The following FANCI variants were observed in gnomAD, a reference collection of about 807,000 sequenced individuals.
The protein encoded by FANCI is Fanconi anemia group I protein.
FANCI carries 156 observed loss-of-function variants against 176.1 expected under a neutral mutation model. The observed-to-expected ratio is 0.89, with a 90% CI of 0.78 to 1.01. The LOEUF (loss-of-function observed/expected upper bound fraction) is 1.01, where lower values mean the gene tolerates loss of function less well. Ranked by LOEUF, FANCI falls within the 50% of genes least tolerant of loss-of-function variation. The pLI is 0.00. For synonymous variants in FANCI, 613 were observed against 541.7 expected (o/e 1.13, Z -1.83); for missense variants, 1,678 against 1,534.1 (o/e 1.09, Z -1.57).
At chr15:89,263,646 T>C (rs929586014) in intron 7 of FANCI, among the ~76,000 whole-genome samples, 186 bp downstream of exon 7, 1 of 152,220 alleles carries the variant, frequency 6.6e-6, no homozygotes, top group Non-Finnish European at 1.5e-5. Context: ...TACTTACTTA[T>C]TTAAAACATA....
At chr15:89,304,977 T>C (rs1446211669) in intron 28 of FANCI, 138 bp from the exon 29 acceptor site, 4 of 892,484 alleles carry the variant, frequency 4.5e-6, no homozygotes, top group South Asian at 3.9e-5. Context: ...GGTTTCTCCA[T>C]GTTGGTGAGG....
intron 11 of FANCI, 99 bp from the exon 12 acceptor site, chr15:89,274,069 A>G (rs964829893): frequency 1.7e-5 from 15 of 897,390 alleles, no homozygotes; most frequent in African/African-American, 1.0e-4. Context: ...AGCATGAGCT[A>G]TATAATATTT....
At chr15:89,304,014 C>G in intron 28 of FANCI, 99 bp downstream of exon 28, 1 of 1,176,524 alleles carries the variant, frequency 8.5e-7, no homozygotes, top group South Asian at 1.2e-5. Context: ...ATTACACATT[C>G]ACCAGAGTGG....
rs756691827 is a variant in FANCI at position 89,307,643 on chromosome 15, C to CT, written c.3623dup (p.Cys1209ValfsTer11). 18 of 1,613,980 alleles carry CT rather than the reference C, an allele frequency of 1.1e-5. No homozygotes were observed. The highest frequency in any genetic ancestry group is 1.4e-5 in the Non-Finnish European group (17 of 1,179,996). Reference sequence around the variant, plus strand: ...GCTGTCTGGTTCTCATCTGACCCCCCTGTGTTATTCTTTCATTTCTTACGT... The same window carrying CT: ...GCTGTCTGGTTCTCATCTGACCCCCCTTGTGTTATTCTTTCATTTCTTACGT... On this transcript the variant is annotated frameshift_variant, in exon 34 of 38. Coordinates refer to ENST00000310775, the MANE Select transcript of FANCI (RefSeq NM_001113378.2). LOFTEE classifies it high-confidence loss of function.
intron 10 of FANCI, among the ~76,000 whole-genome samples, chr15:89,271,228 A>G (rs2053188546): frequency 6.6e-6 from 1 of 152,070 alleles, no homozygotes; most frequent in Non-Finnish European, 1.5e-5. Context: ...TCATAAATTT[A>G]CCTAGTTTTG....
chr15:89,253,792 G>A (rs12912866), intron 2 of FANCI, among the ~76,000 whole-genome samples: 4,228 of 138,020 alleles, frequency 0.031, 256 homozygotes, highest in African/African-American at 0.098. Context: ...CTTGTGGGGG[G>A]GGGGGGGAAG....
chr15:89,307,724 C>G (rs1318536714), intron 34 of FANCI, 52 bp downstream of exon 34: 1 of 1,613,928 alleles, frequency 6.2e-7, no homozygotes, highest in African/African-American at 1.3e-5. Flanking sequence ...GGATTTCTTA[C>G]ATGCCCAGGG....
intron 2 of FANCI, among the ~76,000 whole-genome samples, chr15:89,256,325 C>T (rs1420427408): frequency 6.6e-6 from 1 of 152,192 alleles, no homozygotes; most frequent in Non-Finnish European, 1.5e-5. Context: ...ACAAAAATCA[C>T]TGGTTGAGAA....
At chr15:89,273,284 A>G (rs1454247953) in intron 10 of FANCI, 93 bp from the exon 11 acceptor site, 2 of 732,520 alleles carry the variant, frequency 2.7e-6, no homozygotes, top group East Asian at 2.8e-5. Flanking sequence ...AGCCTGGGCA[A>G]CAGAGAGACC....
At chr15:89,268,795 A>G (rs1189820836) in intron 10 of FANCI, among the ~76,000 whole-genome samples, 1 of 152,136 alleles carries the variant, frequency 6.6e-6, no homozygotes, top group East Asian at 1.9e-4. Context: ...TTCTAACGCA[A>G]AAAAGTGGGA....
Position 89,264,013 on chromosome 15 carries a change from T to C in FANCI, c.656T>C (p.Val219Ala). ...EIPPLVYQLL[V>A]LSSKGSRKSV... ...CCACCTTTGGTCTATCAGCTTCTGG[T>C]TCTCTCCTCCAAGGTACAAATGGAA... Residue 219 changes from valine (V) to alanine (A), a missense_variant, in exon 8 of 38, where the codon GTT becomes GCT. Around this residue, in one of 3 missense-constraint regions of FANCI, gnomAD observed 469 missense variants for 436.9 expected, o/e 1.07. Coordinates refer to ENST00000310775, the MANE Select transcript of FANCI (RefSeq NM_001113378.2). 1 of 1,614,100 alleles carries C rather than the reference T, an allele frequency of 6.2e-7. No homozygotes were observed. The highest frequency in any genetic ancestry group is 2.2e-5 in the East Asian group (1 of 44,852).
intron 20 of FANCI, among the ~76,000 whole-genome samples, chr15:89,291,921 A>G (rs1289040931): frequency 3.3e-5 from 5 of 152,220 alleles, no homozygotes; most frequent in Non-Finnish European, 7.3e-5. Context: ...TTACTAAATC[A>G]AGGCTTCCAT....
intron 2 of FANCI, among the ~76,000 whole-genome samples, chr15:89,250,406 A>G (rs765869696): frequency 2.0e-5 from 3 of 152,190 alleles, no homozygotes; most frequent in Non-Finnish European, 1.5e-5. Context: ...GACATGGATG[A>G]AGCTGGAAGC....
intron 16 of FANCI, 155 bp downstream of exon 16, chr15:89,281,990 G>A: frequency 1.5e-6 from 1 of 675,392 alleles, no homozygotes; most frequent in Middle Eastern, 2.4e-4. Flanking sequence ...TTTGCTAAGT[G>A]CTTTATGTGC....
intron 18 of FANCI, 58 bp downstream of exon 18, chr15:89,285,276 G>C: frequency 6.3e-7 from 1 of 1,599,808 alleles, no homozygotes; most frequent in Non-Finnish European, 8.5e-7. Context: ...TTTTATTTTA[G>C]TAATTTTTTT....
chr15:89,315,491 A>C (rs927504812), intron 37 of FANCI, 102 bp downstream of exon 37: 1 of 785,150 alleles, frequency 1.3e-6, no homozygotes, highest in Non-Finnish European at 2.2e-6. Context: ...AGAATGGGAA[A>C]GGGCTAAAAG....
rs2053604527 is a variant in FANCI at position 89,281,289 on chromosome 15, A to C, written c.1501A>C (p.Lys501Gln). The change falls in exon 15 of 38, where the codon AAG (lysine) becomes CAG (glutamine). Residue 501 changes from lysine to glutamine, a missense_variant. Lys to Gln is a moderately conservative substitution (Grantham distance 53, BLOSUM62 1). This residue lies in a region of FANCI where 1,204 missense variants were observed against 1,077.4 expected (regional missense o/e 1.12). Coordinates refer to ENST00000310775, the MANE Select transcript of FANCI (RefSeq NM_001113378.2). ...LPLQTVQRLL[K>Q]AVQPLLKVSM... ...CCTTCAGACTGTACAAAGGCTGCTT[A>C]AGGCAGTGCAGGTAAGTCTTCAGAT... 6.2e-7 allele frequency: 1 copy of C among 1,613,780 alleles called. No homozygotes were observed. Among genetic ancestry groups the C allele is most frequent in the East Asian group, 2.2e-5 (1 of 44,804 alleles).
chr15:89,252,192 C>T (rs917066190), intron 2 of FANCI, among the ~76,000 whole-genome samples: 4 of 150,636 alleles, frequency 2.7e-5, no homozygotes, highest in Non-Finnish European at 4.4e-5. Context: ...CCCAGCTACT[C>T]GGGAGGCTGA....
At chr15:89,312,862 A>G in intron 34 of FANCI, 42 bp from the exon 35 acceptor site, 1 of 1,551,918 alleles carries the variant, frequency 6.4e-7, no homozygotes. Context: ...AGCTCCACAG[A>G]AAAATCATCA....
Sources: allele counts gnomAD v4.1 joint callset (sites outside exome capture counted in the v4.1 genomes callset), GRCh38; gene constraint gnomAD v4.1.1; regional missense constraint gnomAD v4.1.1; transcripts MANE v1.5; gene names NCBI Gene and HGNC (gene_info 2026-07-23, HGNC 2026-07-21).